PVR: variants seen among roughly 807,000 people sequenced by gnomAD.
PVR encodes the protein poliovirus receptor.
Under a neutral mutation model 43.3 loss-of-function variants are expected in PVR, and 39 were observed. The observed-to-expected ratio is 0.90, with a 90% CI of 0.70 to 1.18. The LOEUF (loss-of-function observed/expected upper bound fraction) is 1.18. Ranked by LOEUF, PVR falls within the 50% of genes most tolerant of loss-of-function variation. The pLI, the probability that PVR is intolerant of heterozygous loss-of-function variation, is 0.00. For missense variants in PVR, 480 were observed against 549.7 expected (o/e 0.87, Z 1.27); for synonymous variants, 224 against 233.2 (o/e 0.96, Z 0.36).
chr19:44,653,841 G>A (rs1445229958), intron 3 of PVR, 59 bp from the exon 4 acceptor site: 20 of 1,195,644 alleles, frequency 1.7e-5, no homozygotes, highest in African/African-American at 1.1e-4. Flanking sequence ...TGAATCCCGC[G>A]TAGCCCCAGG....
intron 1 of PVR, among the ~76,000 whole-genome samples, chr19:44,645,443 A>ATATATATAT (rs1412998383): frequency 1.7e-4 from 20 of 115,608 alleles, no homozygotes; most frequent in Non-Finnish European, 2.7e-4. Context: ...ATATATATAT[A>ATATATATAT]TAGTGCGTGT....
At chr19:44,651,495 C>CA (rs1477601655) in intron 3 of PVR, among the ~76,000 whole-genome samples, 1 of 152,162 alleles carries the variant, frequency 6.6e-6, no homozygotes, top group East Asian at 1.9e-4. Flanking sequence ...GTGCTAGTTG[C>CA]ATTGATCTTC....
rs1476842886 is a variant in PVR at position 44,657,748 on chromosome 19, T to C, written c.843-14T>C. On this transcript the variant is annotated splice_polypyrimidine_tract_variant and intron_variant, in intron 4 of 7. Coordinates refer to ENST00000425690, the MANE Select transcript of PVR (RefSeq NM_006505.5). ...GCAGCAGAGGCCACCTCCTCACCTTTCTGTCTCTCCCAGGACCATGGGTCC... is the reference window on the plus strand; with the variant it reads ...GCAGCAGAGGCCACCTCCTCACCTTCCTGTCTCTCCCAGGACCATGGGTCC... The C allele has an allele frequency of 6.2e-7, 1 of 1,613,816 alleles. No homozygotes were observed. The highest frequency in any genetic ancestry group is 1.1e-5 in the South Asian group (1 of 91,054).
chr19:44,644,166 C>T lies in PVR; in HGVS notation c.70C>T (p.Pro24Ser), dbSNP rs768887187. ...GCTACTGGTGCTGTCCTGGCCACCC[C>T]CAGGAACCGGTGAGTGACCCCCGCG... is the stretch of plus-strand genomic sequence containing the variant. ...VALLVLSWPPPGTGDVVVQAP... is the reference protein window; with the variant it reads ...VALLVLSWPPSGTGDVVVQAP... The change falls in exon 1 of 8, where the codon CCA becomes TCA. Residue 24 changes from proline to serine, a missense_variant. Physicochemically the swap from Pro to Ser is moderately conservative, Grantham distance 74. Coordinates refer to ENST00000425690, the MANE Select transcript of PVR (RefSeq NM_006505.5). 6.6e-7 allele frequency: 1 copy of T among 1,505,408 alleles called. No individual in the cohort carries two copies. Among genetic ancestry groups the T allele is most frequent in the Non-Finnish European group, 8.8e-7 (1 of 1,132,866 alleles). 93.3% of individuals were successfully genotyped at this position (1,505,408 alleles called of 1,614,324 possible). A position where few individuals can be genotyped will look rare whatever the true frequency, so the allele number is the denominator to read the frequency against.
chr19:44,650,275 G>A (rs905055745), intron 3 of PVR, among the ~76,000 whole-genome samples, 170 bp downstream of exon 3: 17 of 152,120 alleles, frequency 1.1e-4, no homozygotes, highest in African/African-American at 3.1e-4. Flanking sequence ...CCCCTGGGCC[G>A]TAAACAACAC....
Position 44,654,006 on chromosome 19 carries a change from T to C in PVR, c.831T>C (p.Tyr277=), listed in dbSNP as rs377666797. 5 of 1,612,860 alleles carry C rather than the reference T, an allele frequency of 3.1e-6. No homozygotes were observed. Among genetic ancestry groups the C allele is most frequent in the East Asian group, 2.2e-5 (1 of 44,866 alleles). The part of the protein sequence containing the change: ...DARSNPEPTG[Y]NWSTTMGPLP... ...GCAGCAACCCAGAGCCCACAGGCTA[T>C]AATTGGAGCACGTGAGTCCTGGGTC... The change falls in exon 4 of 8, where the codon TAT becomes TAC. Residue 277 remains tyrosine, a synonymous_variant. Coordinates refer to ENST00000425690, the MANE Select transcript of PVR (RefSeq NM_006505.5).
chr19:44,655,836 C>A (rs1973428678), intron 4 of PVR, among the ~76,000 whole-genome samples: 1 of 148,718 alleles, frequency 6.7e-6, no homozygotes, highest in South Asian at 2.2e-4. Flanking sequence ...TCATATTATG[C>A]ATTTCAGAGC....
At chr19:44,654,078 A>T in intron 4 of PVR, 61 bp downstream of exon 4, 2 of 1,262,756 alleles carry the variant, frequency 1.6e-6, no homozygotes, top group Non-Finnish European at 2.3e-6. Context: ...CTGAGGGAGG[A>T]GGGGCTGGGG....
intron 2 of PVR, among the ~76,000 whole-genome samples, 160 bp from the exon 3 acceptor site, chr19:44,649,649 G>T (rs1278174190): frequency 6.6e-6 from 1 of 152,006 alleles, no homozygotes; most frequent in African/African-American, 2.4e-5. Context: ...TCGAACTCCT[G>T]ACCCCAAGTG....
chr19:44,658,981 T>G, intron 6 of PVR, 81 bp downstream of exon 6: 1 of 1,368,492 alleles, frequency 7.3e-7, no homozygotes, highest in South Asian at 1.3e-5. Context: ...TCTCACTGAA[T>G]CCTCACCCCA....
At chr19:44,655,830 A>G (rs1044212647) in intron 4 of PVR, among the ~76,000 whole-genome samples, 20 of 123,860 alleles carry the variant, frequency 1.6e-4, no homozygotes, top group African/African-American at 6.0e-4. Flanking sequence ...CATCAATCAT[A>G]TTATGCATTT....
chr19:44,658,791 C>G lies in PVR; in HGVS notation c.1041C>G (p.Phe347Leu). Residue 347 changes from phenylalanine (F) to leucine (L), a missense_variant, in exon 6 of 8, where the codon TTC becomes TTG. Phe to Leu is a conservative substitution (Grantham distance 22). Transcript: ENST00000425690. The stretch of plus-strand genomic sequence containing the variant: ...GCATGTCCCGTAACGCCATCATCTT[C>G]CTGGTTCTGGGAATCCTGGTTTTTC... ...HSGMSRNAII[F>L]LVLGILVFLI... 6.2e-7 allele frequency: 1 copy of G among 1,612,890 alleles called. No individual in the cohort carries two copies. Among genetic ancestry groups the G allele is most frequent in the East Asian group, 2.2e-5 (1 of 44,884 alleles).
chr19:44,654,881 C>T (rs1207720063), intron 4 of PVR, among the ~76,000 whole-genome samples: 2 of 152,068 alleles, frequency 1.3e-5, no homozygotes, highest in African/African-American at 2.4e-5. Flanking sequence ...ACCACCTCAC[C>T]GTCACCTTGT....
At chr19:44,660,026 C>T (rs1973552957) in intron 6 of PVR, among the ~76,000 whole-genome samples, 1 of 152,078 alleles carries the variant, frequency 6.6e-6, no homozygotes, top group Non-Finnish European at 1.5e-5. Flanking sequence ...CCCTCCCTGA[C>T]CCCCAAGCAT....
intron 1 of PVR, among the ~76,000 whole-genome samples, chr19:44,646,187 A>G (rs1252098975): frequency 6.6e-6 from 1 of 152,190 alleles, no homozygotes; most frequent in Non-Finnish European, 1.5e-5. Context: ...CATTTTACAA[A>G]CTAGGAAAAA....
intron 2 of PVR, among the ~76,000 whole-genome samples, chr19:44,647,996 G>T (rs1973177914): frequency 6.6e-6 from 1 of 152,116 alleles, no homozygotes; most frequent in Non-Finnish European, 1.5e-5. Context: ...GCCTAGGAAA[G>T]AGTCTGTCTG....
chr19:44,644,439 T>A (rs1367883282), intron 1 of PVR, among the ~76,000 whole-genome samples: 3 of 152,106 alleles, frequency 2.0e-5, no homozygotes, highest in Non-Finnish European at 4.4e-5. Flanking sequence ...GACCCTCCTC[T>A]GGGCCCCTCG....
intron 3 of PVR, among the ~76,000 whole-genome samples, chr19:44,650,588 A>G (rs576676416): frequency 0.011 from 1,497 of 140,380 alleles, 16 homozygotes; most frequent in Non-Finnish European, 0.017. Flanking sequence ...TTTGAAATAG[A>G]GTCTCACTCT....
chr19:44,662,283 G>T lies in PVR; in HGVS notation c.*472G>T. ...AGTTTTTTGTTTGTCTTGAGACAGG[G>T]TCTGGCTCTGTTGGCAGACTAGAGT... On this transcript the variant is annotated 3_prime_UTR_variant, in exon 8 of 8. Coordinates refer to ENST00000425690, the MANE Select transcript of PVR (RefSeq NM_006505.5). The T allele has an allele frequency of 5.7e-6, 1 of 173,978 alleles. No homozygotes were observed. The highest frequency in any genetic ancestry group is 1.3e-5 in the Non-Finnish European group (1 of 79,420). The allele number at this position is 173,978 out of a possible 1,614,324, so 10.8% of individuals were successfully genotyped here.
Sources: gnomAD v4.1 joint callset for allele counts (sites outside exome capture counted in the v4.1 genomes callset) on GRCh38, gnomAD v4.1.1 for gene constraint, MANE v1.5 for transcripts, NCBI Gene and HGNC (gene_info 2026-07-23, HGNC 2026-07-21) for gene names.